PDE4B: variants seen among roughly 807,000 people sequenced by gnomAD.
PDE4B encodes 3',5'-cyclic-AMP phosphodiesterase 4B.
In PDE4B, 20 loss-of-function variants were observed where a neutral mutation model predicts 82.2. The ratio of observed to expected loss-of-function variants is 0.24; its 90% CI spans 0.17 to 0.35. The LOEUF (loss-of-function observed/expected upper bound fraction) is 0.35. Ranked by LOEUF, PDE4B falls within the 10% of genes least tolerant of loss-of-function variation. PDE4B has a pLI of 1.00. For missense variants in PDE4B, 655 were observed against 907.2 expected (o/e 0.72, Z 3.57); for synonymous variants, 320 against 318.9 (o/e 1.00, Z -0.04).
chr1:66,024,420 T>C (rs145583539), intron 3 of PDE4B, among the ~76,000 whole-genome samples: 541 of 152,246 alleles, frequency 3.6e-3, no homozygotes, highest in Middle Eastern at 0.01. Context: ...TTTTCAGATA[T>C]GGAAAGCTTG....
At chr1:66,339,790 T>A (rs1660820980) in intron 8 of PDE4B, among the ~76,000 whole-genome samples, 1 of 152,176 alleles carries the variant, frequency 6.6e-6, no homozygotes, top group East Asian at 1.9e-4. Context: ...TCCATTTTTT[T>A]AATACTTTTT....
At chr1:65,827,070 G>A (rs867395819) in intron 1 of PDE4B, among the ~76,000 whole-genome samples, 1 of 150,996 alleles carries the variant, frequency 6.6e-6, no homozygotes, top group Non-Finnish European at 1.5e-5. Context: ...AATTCACTGC[G>A]TGTAATCATA....
At chr1:66,037,474 A>G (rs909982729) in intron 3 of PDE4B, among the ~76,000 whole-genome samples, 4 of 152,156 alleles carry the variant, frequency 2.6e-5, no homozygotes, top group African/African-American at 9.7e-5. Flanking sequence ...TGTATCCTGT[A>G]ACTTTACTGA....
chr1:65,823,701 A>G (rs1645982640), intron 1 of PDE4B, among the ~76,000 whole-genome samples: 3 of 152,170 alleles, frequency 2.0e-5, no homozygotes, highest in Non-Finnish European at 4.4e-5. Flanking sequence ...ACTTGCCTGC[A>G]AGTAACATCT....
At chr1:65,852,691 G>A (rs1646345258) in intron 1 of PDE4B, among the ~76,000 whole-genome samples, 1 of 151,784 alleles carries the variant, frequency 6.6e-6, no homozygotes, top group Admixed American at 6.6e-5. Context: ...ACATTTACTT[G>A]GGGATTTCCA....
intron 3 of PDE4B, among the ~76,000 whole-genome samples, chr1:66,164,223 G>T (rs1168008293): frequency 6.6e-6 from 1 of 151,934 alleles, no homozygotes; most frequent in Non-Finnish European, 1.5e-5. Flanking sequence ...ACTACTACTG[G>T]TGGTTCATCT....
intron 1 of PDE4B, among the ~76,000 whole-genome samples, chr1:65,889,456 T>C (rs1312260698): frequency 6.6e-6 from 1 of 152,142 alleles, no homozygotes; most frequent in Admixed American, 6.6e-5. Context: ...TCAAACTATA[T>C]TATTAAGGTA....
chr1:65,845,322 G>A lies in PDE4B; in HGVS notation c.-71+52074G>A, dbSNP rs537021379. ...TTTATTTTTCCAATCTAAATTTTTA[G>A]CCCTGCTCTGTGGATCATTTTCTAG... On this transcript the variant is annotated intron_variant, in intron 1 of 16. Coordinates refer to ENST00000341517, the MANE Select transcript of PDE4B (RefSeq NM_002600.4). Among the ~76,000 whole-genome samples the A allele has an allele frequency of 8.2e-4, 125 of 152,014 alleles. 1 individual carries two copies. Among genetic ancestry groups the A allele is most frequent in the Non-Finnish European group, 7.4e-4 (50 of 68,010 alleles).
intron 6 of PDE4B, among the ~76,000 whole-genome samples, chr1:66,259,030 G>A (rs1448192913): frequency 1.3e-5 from 2 of 152,114 alleles, no homozygotes; most frequent in African/African-American, 2.4e-5. Context: ...CTGGTGCTTG[G>A]CACTCAAGAC....
intron 1 of PDE4B, among the ~76,000 whole-genome samples, chr1:65,827,154 A>G (rs547779588): frequency 6.6e-6 from 1 of 152,312 alleles, no homozygotes; most frequent in Admixed American, 6.5e-5. Context: ...CTAAACATTT[A>G]GCAGAACAAA....
rs377723804 is a variant in PDE4B, at chr1:66,119,522, A to C, written c.282-127938A>C. 5.5e-4 allele frequency among the ~76,000 whole-genome samples: 84 copies of C among 152,290 alleles called. 2 individuals are homozygous for C. The South Asian group carries it at 0.017, about 30-fold the overall frequency. ...AATAATATTGTCTAGCATTCTCTAT[A>C]AACCAAAATACAAAAGCAGTCCTGT... is the stretch of plus-strand genomic sequence containing the variant. On this transcript the variant is annotated intron_variant, in intron 3 of 16. Coordinates refer to ENST00000341517, the MANE Select transcript of PDE4B (RefSeq NM_002600.4).
At chr1:66,235,394 A>T (rs1415657153) in intron 3 of PDE4B, among the ~76,000 whole-genome samples, 1 of 152,178 alleles carries the variant, frequency 6.6e-6, no homozygotes, top group Non-Finnish European at 1.5e-5. Context: ...AGGTACAGAA[A>T]TATTTAGAAT....
intron 3 of PDE4B, among the ~76,000 whole-genome samples, chr1:66,229,704 T>C (rs529296340): frequency 2.0e-4 from 30 of 152,258 alleles, no homozygotes; most frequent in Non-Finnish European, 3.8e-4. Flanking sequence ...AAATAAACCA[T>C]ACTGTCATTT....
At chr1:66,352,873 C>G (rs1278737263) in intron 8 of PDE4B, among the ~76,000 whole-genome samples, 1 of 152,058 alleles carries the variant, frequency 6.6e-6, no homozygotes, top group African/African-American at 2.4e-5. Flanking sequence ...CTAAAGGAGC[C>G]AAAATGAGAC....
At chr1:66,305,245 A>T (rs1658186079) in intron 7 of PDE4B, among the ~76,000 whole-genome samples, 1 of 152,110 alleles carries the variant, frequency 6.6e-6, no homozygotes, top group Admixed American at 6.6e-5. Context: ...AAATGCAAAA[A>T]CCCAGAGGAA....
At chr1:66,122,165 C>T (rs573539148) in intron 3 of PDE4B, among the ~76,000 whole-genome samples, 4 of 152,278 alleles carry the variant, frequency 2.6e-5, no homozygotes, top group East Asian at 3.9e-4. Flanking sequence ...CTTCTTTGAG[C>T]GTCCATTTTT....
chr1:66,076,264 G>A (rs1346397273), intron 3 of PDE4B, among the ~76,000 whole-genome samples: 3 of 152,238 alleles, frequency 2.0e-5, no homozygotes, highest in South Asian at 2.1e-4. Context: ...ACTTGTAAGT[G>A]AGAACATGTA....
intron 7 of PDE4B, among the ~76,000 whole-genome samples, chr1:66,288,478 G>A (rs758110967): frequency 6.6e-6 from 1 of 152,106 alleles, no homozygotes; most frequent in African/African-American, 2.4e-5. Flanking sequence ...TCTTAGACTA[G>A]GGCCTGGTAC....
chr1:65,916,425 AT>A (rs149693823), intron 2 of PDE4B, among the ~76,000 whole-genome samples: 2,413 of 152,288 alleles, frequency 0.016, 77 homozygotes, highest in African/African-American at 0.055. Flanking sequence ...AAGAAGAAAA[AT>A]ATCTAATAAT....
Sources: gnomAD v4.1 joint callset for allele counts (sites outside exome capture counted in the v4.1 genomes callset) on GRCh38, gnomAD v4.1.1 for gene constraint, MANE v1.5 for transcripts, NCBI Gene and HGNC (gene_info 2026-07-23, HGNC 2026-07-21) for gene names.